PID1: variants seen among roughly 807,000 people sequenced by gnomAD.
The protein encoded by PID1 is phosphotyrosine interaction domain containing 1, also known as PTB-containing, cubilin and LRP1-interacting protein.
A neutral mutation model predicts 19.1 loss-of-function variants in PID1; 10 were observed. That is an observed-to-expected ratio of 0.52 (90% CI 0.32 to 0.89). The LOEUF is 0.89. Among genes scored for constraint, PID1 ranks in the 40% least tolerant of loss-of-function variants. The pLI, the probability that PID1 is intolerant of heterozygous loss-of-function variation, is 0.03. For synonymous variants in PID1, 130 were observed against 116.0 expected, an observed-to-expected ratio of 1.12 and a Z score of -0.78; for missense variants, 248 against 285.3, an observed-to-expected ratio of 0.87 and a Z score of 0.94.
At chr2:229,263,801 G>C (rs1384030223) in intron 1 of PID1, among the ~76,000 whole-genome samples, 1 of 152,200 alleles carries the variant, frequency 6.6e-6, no homozygotes, top group Non-Finnish European at 1.5e-5. Flanking sequence ...GTGCTTAGGA[G>C]TGCAGACCCT....
chr2:229,220,193 A>G (rs900872073), intron 1 of PID1, among the ~76,000 whole-genome samples: 2 of 151,806 alleles, frequency 1.3e-5, no homozygotes, highest in Non-Finnish European at 1.5e-5. Context: ...CTAATTTCCT[A>G]TTTTTTGTAT....
chr2:229,164,559 T>C lies in PID1; in HGVS notation c.31-8595A>G, dbSNP rs76632729. Among the ~76,000 whole-genome samples the C allele has an allele frequency of 9.9e-3, 1,510 of 152,292 alleles. 20 individuals are homozygous for C. Among genetic ancestry groups the C allele is most frequent in the African/African-American group, 0.035 (1,439 of 41,546 alleles). ...CTTGTTGCACTGAATACAATTAAAA[T>C]GCTAACAATCAATATTGTTTACTTC... On this transcript the variant is annotated intron_variant, in intron 1 of 2. Transcript: ENST00000392055.
chr2:229,118,798 T>C (rs1695460395), intron 2 of PID1, among the ~76,000 whole-genome samples: 1 of 152,122 alleles, frequency 6.6e-6, no homozygotes, highest in South Asian at 2.1e-4. Context: ...GCAGGATCTT[T>C]GCCAATGAAG....
chr2:229,122,000 T>C (rs1327757118), intron 2 of PID1, among the ~76,000 whole-genome samples: 1 of 152,192 alleles, frequency 6.6e-6, no homozygotes, highest in African/African-American at 2.4e-5. Flanking sequence ...GAAAAAAGTC[T>C]CATTCTAGAA....
intron 2 of PID1, among the ~76,000 whole-genome samples, chr2:229,110,142 C>A (rs762090786): frequency 2.0e-5 from 3 of 152,154 alleles, no homozygotes; most frequent in African/African-American, 7.2e-5. Flanking sequence ...GCCTGACAAG[C>A]GTGTTAACAA....
intron 2 of PID1, among the ~76,000 whole-genome samples, chr2:229,064,412 G>A (rs193274198): frequency 1.3e-5 from 2 of 152,186 alleles, no homozygotes; most frequent in Non-Finnish European, 2.9e-5. Context: ...GAAAAATGAT[G>A]AATTAAGTTT....
At chr2:229,117,711 C>A (rs2106155318) in intron 2 of PID1, among the ~76,000 whole-genome samples, 1 of 152,226 alleles carries the variant, frequency 6.6e-6, no homozygotes, top group Admixed American at 6.5e-5. Context: ...ATCTCTGTTT[C>A]TCAAACATGA....
At chr2:229,195,031 T>A (rs1412538164) in intron 1 of PID1, among the ~76,000 whole-genome samples, 2 of 151,990 alleles carry the variant, frequency 1.3e-5, no homozygotes, top group Non-Finnish European at 1.5e-5. Context: ...AGTCAGTGAA[T>A]GTTTTACAGT....
intron 1 of PID1, among the ~76,000 whole-genome samples, chr2:229,222,835 C>A (rs1222887384): frequency 3.3e-5 from 5 of 150,420 alleles, no homozygotes; most frequent in African/African-American, 2.5e-5. Context: ...TAAGCCAATT[C>A]CTAATTTTAA....
At chr2:229,149,051 T>A (rs992625756) in intron 2 of PID1, among the ~76,000 whole-genome samples, 10 of 148,602 alleles carry the variant, frequency 6.7e-5, no homozygotes, top group South Asian at 6.3e-4. Flanking sequence ...ATATATATAT[T>A]ATATTAGATT....
chr2:229,056,908 G>T (rs1007789716), intron 2 of PID1, among the ~76,000 whole-genome samples: 4 of 152,118 alleles, frequency 2.6e-5, no homozygotes, highest in Admixed American at 1.3e-4. Context: ...TCCTTATGTA[G>T]CTAGAAGAGA....
intron 1 of PID1, among the ~76,000 whole-genome samples, chr2:229,207,028 G>T (rs973521311): frequency 3.9e-5 from 6 of 152,256 alleles, no homozygotes; most frequent in African/African-American, 1.2e-4. Context: ...ACTAAGTTTT[G>T]ATTATGGCTT....
intron 2 of PID1, among the ~76,000 whole-genome samples, chr2:229,075,450 C>T (rs1043755095): frequency 6.6e-6 from 1 of 152,170 alleles, no homozygotes; most frequent in Non-Finnish European, 1.5e-5. Flanking sequence ...TCAGTGAACA[C>T]TGACTACTTT....
At chr2:229,237,024 ACT>A (rs1689717396) in intron 1 of PID1, among the ~76,000 whole-genome samples, 2 of 149,860 alleles carry the variant, frequency 1.3e-5, no homozygotes, top group African/African-American at 2.5e-5. Context: ...ACACACACAC[ACT>A]GACTTCTAAT....
rs765790473 is a variant in PID1 at position 229,097,712 on chromosome 2, G to C, written c.177+58106C>G. 3.0e-4 allele frequency among the ~76,000 whole-genome samples: 45 copies of C among 152,102 alleles called. 1 individual carries two copies. Among genetic ancestry groups the C allele is most frequent in the Non-Finnish European group, 5.6e-4 (38 of 68,022 alleles). ...ACACCTTTTAATCACTATTTCTCTT[G>C]TAAGTGACACTTATAAATCCCTCTT... On this transcript the variant is annotated intron_variant, in intron 2 of 2. Transcript: ENST00000392055.
At chr2:229,261,760 G>C (rs1257605734) in intron 1 of PID1, among the ~76,000 whole-genome samples, 1 of 152,184 alleles carries the variant, frequency 6.6e-6, no homozygotes. Context: ...CTCAGAAAGA[G>C]ACACTGACAG....
chr2:229,076,723 T>G (rs150909446), intron 2 of PID1, among the ~76,000 whole-genome samples: 1,977 of 152,292 alleles, frequency 0.013, 21 homozygotes, highest in Non-Finnish European at 0.023. Flanking sequence ...GGACATGAAC[T>G]CACTCTCTTT....
chr2:229,092,940 T>A (rs944634308), intron 2 of PID1, among the ~76,000 whole-genome samples: 1 of 152,144 alleles, frequency 6.6e-6, no homozygotes. Flanking sequence ...ACCTGATTCA[T>A]GCTCCAATCC....
chr2:229,254,617 A>T (rs1048976508), intron 1 of PID1, among the ~76,000 whole-genome samples: 3 of 152,236 alleles, frequency 2.0e-5, no homozygotes, highest in African/African-American at 7.2e-5. Flanking sequence ...GACCTTGGTT[A>T]TAATTCTAGT....
Sources: gnomAD v4.1 joint callset for allele counts (sites outside exome capture counted in the v4.1 genomes callset) on GRCh38, gnomAD v4.1.1 for gene constraint, MANE v1.5 for transcripts, NCBI Gene and HGNC (gene_info 2026-07-23, HGNC 2026-07-21) for gene names.